Variants in NRG3 observed in about 807,000 individuals in gnomAD.
The protein encoded by NRG3 is pro-neuregulin-3, membrane-bound isoform.
NRG3 carries 31 observed loss-of-function variants against 66.9 expected under a neutral mutation model. That is an observed-to-expected ratio of 0.46 (90% CI 0.35 to 0.63). NRG3 has a LOEUF of 0.63. NRG3 is among the 20% of genes least tolerant of loss of function. NRG3 has a pLI of 0.00. For synonymous variants in NRG3, 393 were observed against 359.4 expected (o/e 1.09, Z -1.06); for missense variants, 910 against 878.9 (o/e 1.04, Z -0.45).
intron 2 of NRG3, among the ~76,000 whole-genome samples, chr10:82,634,296 G>A (rs1274083544): frequency 6.6e-6 from 1 of 152,082 alleles, no homozygotes; most frequent in Non-Finnish European, 1.5e-5. Context: ...AGAAAAGGGT[G>A]AAGAAGACAC....
intron 2 of NRG3, among the ~76,000 whole-genome samples, chr10:82,698,959 C>T (rs969425143): frequency 7.9e-5 from 12 of 152,138 alleles, no homozygotes; most frequent in Admixed American, 2.6e-4. Context: ...ATGTTGGTCT[C>T]ATTGATATTT....
chr10:82,111,931 T>C (rs2067414580), intron 1 of NRG3, among the ~76,000 whole-genome samples: 1 of 152,160 alleles, frequency 6.6e-6, no homozygotes, highest in Non-Finnish European at 1.5e-5. Context: ...AGGTTGCTCA[T>C]GTGAATTATG....
chr10:82,190,986 C>T lies in NRG3; in HGVS notation c.824-167753C>T, dbSNP rs2074109919. Among the ~76,000 whole-genome samples the T allele has an allele frequency of 2.0e-5, 3 of 152,126 alleles. No individual in the cohort carries two copies. The South Asian group carries it at 6.2e-4, about 31-fold the overall frequency. ...AAGACTGAGAATCTCCTTCCTACAA[C>T]TCCCCACCTCAGGATCTCCCTGACG... is the stretch of plus-strand genomic sequence containing the variant. On this transcript the variant is annotated intron_variant, in intron 1 of 8. Transcript: ENST00000372141.
intron 2 of NRG3, among the ~76,000 whole-genome samples, chr10:82,514,846 A>G (rs1845505113): frequency 6.6e-6 from 1 of 152,100 alleles, no homozygotes; most frequent in South Asian, 2.1e-4. Flanking sequence ...CAAATTGTTG[A>G]TATATTCTAG....
intron 1 of NRG3, among the ~76,000 whole-genome samples, chr10:81,922,362 A>G (rs1335254905): frequency 2.0e-5 from 3 of 152,226 alleles, no homozygotes; most frequent in African/African-American, 7.2e-5. Context: ...TCACTTGAAT[A>G]GTATACATTG....
At chr10:82,450,261 C>T (rs575405480) in intron 2 of NRG3, among the ~76,000 whole-genome samples, 23 of 152,230 alleles carry the variant, frequency 1.5e-4, no homozygotes, top group African/African-American at 4.1e-4. Context: ...ATCTTCCAGA[C>T]GGCTTCCCTG....
intron 1 of NRG3, among the ~76,000 whole-genome samples, chr10:81,904,939 G>C (rs550075114): frequency 3.9e-5 from 6 of 152,014 alleles, no homozygotes; most frequent in Admixed American, 2.6e-4. Flanking sequence ...CAAGCAGTAA[G>C]TGCTGAAAAA....
chr10:82,761,865 T>A (rs1429353766), intron 3 of NRG3, among the ~76,000 whole-genome samples: 3 of 151,560 alleles, frequency 2.0e-5, no homozygotes, highest in Non-Finnish European at 4.4e-5. Context: ...TTTTTTCTTT[T>A]TCCTTTTTTT....
At chr10:82,321,323 C>T (rs1478663471) in intron 1 of NRG3, among the ~76,000 whole-genome samples, 1 of 149,990 alleles carries the variant, frequency 6.7e-6, no homozygotes, top group Non-Finnish European at 1.5e-5. Flanking sequence ...TCAGGGAACT[C>T]TCCTGTTTCA....
intron 2 of NRG3, among the ~76,000 whole-genome samples, chr10:82,368,675 C>T (rs1360645504): frequency 7.2e-6 from 1 of 138,024 alleles, no homozygotes; most frequent in African/African-American, 3.4e-5. Context: ...CCCATGCAGA[C>T]AGAGCAGAGA....
chr10:82,474,010 A>C (rs997947625), intron 2 of NRG3, among the ~76,000 whole-genome samples: 1 of 152,070 alleles, frequency 6.6e-6, no homozygotes, highest in Admixed American at 6.6e-5. Context: ...AATTGGGGGA[A>C]AAAATGATGC....
At chr10:82,182,331 CTT>C (rs1268591434) in intron 1 of NRG3, among the ~76,000 whole-genome samples, 1 of 151,556 alleles carries the variant, frequency 6.6e-6, no homozygotes, top group Non-Finnish European at 1.5e-5. Context: ...CTCTTTGTCT[CTT>C]TTGATATCTT....
rs114151738 is a variant in NRG3, at chr10:82,153,074, T to C, written c.824-205665T>C. ...ATAATTATTTTGGGGATGAGAACTT[T>C]TAAAATCTACTCTTTTAGCAATTTT... On this transcript the variant is annotated intron_variant, in intron 1 of 8. Transcript: ENST00000372141. Among the ~76,000 whole-genome samples, 300 of 152,216 alleles carry C rather than the reference T, an allele frequency of 2.0e-3. 2 individuals are homozygous for C. The highest frequency in any genetic ancestry group is 6.7e-3 in the African/African-American group (280 of 41,536).
chr10:82,509,029 T>G (rs1446505414), intron 2 of NRG3, among the ~76,000 whole-genome samples: 1 of 152,324 alleles, frequency 6.6e-6, no homozygotes, highest in South Asian at 2.1e-4. Flanking sequence ...TCTTAATCTA[T>G]AGACCCACAT....
intron 2 of NRG3, among the ~76,000 whole-genome samples, chr10:82,422,039 T>C (rs2089118584): frequency 6.6e-6 from 1 of 152,096 alleles, no homozygotes; most frequent in African/African-American, 2.4e-5. Context: ...AATTTACATG[T>C]GATATATGAT....
intron 2 of NRG3, among the ~76,000 whole-genome samples, chr10:82,608,982 T>G (rs1230498259): frequency 6.6e-6 from 1 of 152,176 alleles, no homozygotes; most frequent in African/African-American, 2.4e-5. Context: ...GTTTAAATGT[T>G]CCTACCCTGA....
At chr10:81,884,569 A>G (rs1322681596) in intron 1 of NRG3, among the ~76,000 whole-genome samples, 2 of 152,222 alleles carry the variant, frequency 1.3e-5, no homozygotes, top group African/African-American at 4.8e-5. Flanking sequence ...TAAAAATACA[A>G]ATAAGAAACA....
At chr10:82,917,970 G>GTATATATATATA (rs1171736937) in intron 4 of NRG3, among the ~76,000 whole-genome samples, 37 of 113,974 alleles carry the variant, frequency 3.2e-4, no homozygotes, top group African/African-American at 1.0e-3. Context: ...GTGTGTGTGT[G>GTATATATATATA]TATATATATA....
chr10:82,122,995 C>T (rs970627722), intron 1 of NRG3, among the ~76,000 whole-genome samples: 2 of 103,972 alleles, frequency 1.9e-5, no homozygotes, highest in Non-Finnish European at 4.8e-5. Flanking sequence ...CCAAATATTA[C>T]TTTGGCAGTG....
Sources: gnomAD v4.1 joint callset for allele counts (sites outside exome capture counted in the v4.1 genomes callset) on GRCh38, gnomAD v4.1.1 for gene constraint, MANE v1.5 for transcripts, NCBI Gene and HGNC (gene_info 2026-07-23, HGNC 2026-07-21) for gene names.